The following PTK2 variants were observed in gnomAD, a reference collection of about 807,000 sequenced individuals.
The protein encoded by PTK2 is protein tyrosine kinase 2, also known as focal adhesion kinase 1.
In PTK2, 45 loss-of-function variants were observed where a neutral mutation model predicts 150.1. The ratio of observed to expected loss-of-function variants is 0.30; its 90% confidence interval spans 0.24 to 0.38. The LOEUF (loss-of-function observed/expected upper bound fraction) is 0.38, where lower values mean the gene tolerates loss of function less well. Among genes scored for constraint, PTK2 ranks in the 10% least tolerant of loss-of-function variants. The pLI, the probability that PTK2 is intolerant of heterozygous loss-of-function variation, is 1.00. For synonymous variants in PTK2, 432 were observed against 449.2 expected, an observed-to-expected ratio of 0.96 and a Z score of 0.48; for missense variants, 919 against 1,307.3, an observed-to-expected ratio of 0.70 and a Z score of 4.58.
intron 26 of PTK2, among the ~76,000 whole-genome samples, chr8:140,697,144 A>AG (rs1349615106): frequency 1.1e-4 from 16 of 148,344 alleles, no homozygotes; most frequent in African/African-American, 3.4e-4. Context: ...CGGGAAAAAA[A>AG]AAAAAAAAAA....
chr8:140,926,735 G>GA (rs763412099), intron 1 of PTK2, among the ~76,000 whole-genome samples: 1 of 152,094 alleles, frequency 6.6e-6, no homozygotes, highest in African/African-American at 2.4e-5. Context: ...AAATAGATGG[G>GA]AAAATGCAAC....
intron 2 of PTK2, among the ~76,000 whole-genome samples, chr8:140,901,471 A>G (rs1278796853): frequency 1.3e-5 from 2 of 152,176 alleles, no homozygotes; most frequent in Admixed American, 6.5e-5. Context: ...GACACAATTA[A>G]CAAAGTAAAA....
At chr8:140,809,545 C>A (rs2100100180) in intron 10 of PTK2, among the ~76,000 whole-genome samples, 1 of 152,202 alleles carries the variant, frequency 6.6e-6, no homozygotes, top group African/African-American at 2.4e-5. Context: ...TGGTTCACGC[C>A]TGTAATCTCA....
chr8:140,869,544 G>A (rs1422153039), intron 4 of PTK2, among the ~76,000 whole-genome samples: 14 of 151,984 alleles, frequency 9.2e-5, no homozygotes, highest in Admixed American at 8.5e-4. Flanking sequence ...GAATGATCAC[G>A]ATGTCAGACT....
At chr8:140,701,138 G>A (rs772396212) in intron 25 of PTK2, 116 bp from the exon 29 acceptor site, 18 of 1,185,934 alleles carry the variant, frequency 1.5e-5, no homozygotes, top group Non-Finnish European at 2.1e-5. Flanking sequence ...TGAGAAACAG[G>A]ATCTCTCATA....
chr8:140,801,818 A>G (rs2100095210), intron 11 of PTK2, among the ~76,000 whole-genome samples: 1 of 152,190 alleles, frequency 6.6e-6, no homozygotes, highest in Non-Finnish European at 1.5e-5. Context: ...ATTTTGGTCA[A>G]TGATGGTCCG....
chr8:140,718,409 G>A (rs1482372594), intron 22 of PTK2: 1 of 152,172 alleles, frequency 6.6e-6, no homozygotes, highest in African/African-American at 2.4e-5. Context: ...TTGGCTGTTT[G>A]CCATCACATA....
rs747252040 is a variant in PTK2 at position 140,764,307 on chromosome 8, A to C, written c.1178-17T>G. The C allele has an allele frequency of 6.3e-7, 1 of 1,594,398 alleles. No individual in the cohort carries two copies. Among genetic ancestry groups the C allele is most frequent in the South Asian group, 1.1e-5 (1 of 90,592 alleles). ...CATCTGTTTCTGCAGGAAAAGAAAC[A>C]GATATGTTGAAAGAGGTTAAACATC... On this transcript the variant is annotated splice_polypyrimidine_tract_variant and intron_variant, in intron 14 of 31. Transcript: ENST00000522684.
chr8:140,936,816 T>C (rs1365050926), intron 1 of PTK2, among the ~76,000 whole-genome samples: 1 of 152,214 alleles, frequency 6.6e-6, no homozygotes, highest in Non-Finnish European at 1.5e-5. Context: ...ATTACCATTA[T>C]CTGCAGCTCA....
At chr8:140,931,042 G>C (rs1282705075) in intron 1 of PTK2, among the ~76,000 whole-genome samples, 1 of 143,782 alleles carries the variant, frequency 7.0e-6, no homozygotes, top group East Asian at 2.1e-4. Context: ...CTGCACTCCA[G>C]CCTGCGCGGC....
chr8:140,828,168 CAAAA>C (rs201599904), intron 8 of PTK2, among the ~76,000 whole-genome samples: 1 of 65,406 alleles, frequency 1.5e-5, no homozygotes, highest in Non-Finnish European at 3.6e-5. Flanking sequence ...TCTGTCTCAA[CAAAA>C]AAAAAAAAAA....
At chr8:140,752,726 G>C (rs2100063501) in intron 16 of PTK2, among the ~76,000 whole-genome samples, 3 of 152,266 alleles carry the variant, frequency 2.0e-5, no homozygotes, top group Admixed American at 6.5e-5. Flanking sequence ...TTACAGAAAA[G>C]GGAGAGAGCA....
intron 10 of PTK2, among the ~76,000 whole-genome samples, chr8:140,808,459 G>A (rs1337863424): frequency 1.3e-5 from 2 of 152,138 alleles, no homozygotes; most frequent in Non-Finnish European, 2.9e-5. Context: ...CATAGGCACA[G>A]AGGTCCTTAT....
At position 140,690,548 on chromosome 8, in the gene PTK2, A is replaced by G. The variant is rs182366387; in HGVS notation, c.2500-3854T>C. On this transcript the variant is annotated intron_variant, in intron 26 of 31. Coordinates refer to ENST00000522684, the Ensembl canonical transcript of PTK2. Reference sequence around the variant, plus strand: ...TACCTCATTTGTCAATAATCTAACAAAAGAAACATGCACTTACTGTAGAAA... The same window carrying G: ...TACCTCATTTGTCAATAATCTAACAGAAGAAACATGCACTTACTGTAGAAA... Among the ~76,000 whole-genome samples, 299 of 152,378 alleles carry G rather than the reference A, an allele frequency of 2.0e-3. 1 individual carries two copies. Among genetic ancestry groups the G allele is most frequent in the African/African-American group, 6.2e-3 (256 of 41,592 alleles).
At chr8:140,967,655 T>TCA (rs970298991) in intron 1 of PTK2, among the ~76,000 whole-genome samples, 44 of 152,182 alleles carry the variant, frequency 2.9e-4, no homozygotes, top group African/African-American at 1.1e-3. Flanking sequence ...AGACAGGGTT[T>TCA]CACCATGTTG....
chr8:140,715,155 G>GTTTTTTTTTTTTTT (rs67306225), intron 23 of PTK2, among the ~76,000 whole-genome samples: 1 of 56,018 alleles, frequency 1.8e-5, no homozygotes, highest in African/African-American at 6.4e-5. Context: ...CATTAAAACC[G>GTTTTTTTTTTTTTT]TTTTTTTTTT....
rs73356510 is a variant in PTK2 at position 140,886,894 on chromosome 8, C to A, written c.195+3649G>T. On this transcript the variant is annotated intron_variant, in intron 3 of 31. Transcript: ENST00000522684. ...TCTGGTAGAATTTGGAATTTTATGT[C>A]ATTATTTTTCTGAATTATCACTGCC... is the stretch of plus-strand genomic sequence containing the variant. 2.4e-3 allele frequency among the ~76,000 whole-genome samples: 366 copies of A among 152,250 alleles called. 4 individuals are homozygous for A. Among genetic ancestry groups the A allele is most frequent in the African/African-American group, 8.4e-3 (349 of 41,548 alleles).
chr8:140,715,544 T>C (rs2100039244), intron 23 of PTK2, among the ~76,000 whole-genome samples: 1 of 152,138 alleles, frequency 6.6e-6, no homozygotes, highest in Non-Finnish European at 1.5e-5. Flanking sequence ...TTTTAAATTG[T>C]GTAGGCTATA....
chr8:140,823,760 T>G (rs1236579230), intron 8 of PTK2, among the ~76,000 whole-genome samples: 1 of 152,204 alleles, frequency 6.6e-6, no homozygotes, highest in Admixed American at 6.5e-5. Flanking sequence ...CAGTTCAGAT[T>G]CTGCTTCAAT....
Sources: allele counts gnomAD v4.1 joint callset (sites outside exome capture counted in the v4.1 genomes callset), GRCh38; gene constraint gnomAD v4.1.1; transcripts MANE v1.5; gene names NCBI Gene and HGNC (gene_info 2026-07-23, HGNC 2026-07-21).